CNTNAP2: variants seen among roughly 807,000 people sequenced by gnomAD.
CNTNAP2 encodes contactin-associated protein-like 2.
A neutral mutation model predicts 155.2 loss-of-function variants in CNTNAP2; 98 were observed. The observed-to-expected ratio is 0.63, with a 90% CI of 0.54 to 0.75. CNTNAP2 has a LOEUF of 0.75. CNTNAP2 is among the 30% of genes least tolerant of loss of function. CNTNAP2 has a pLI of 0.00. For synonymous variants in CNTNAP2, 651 were observed against 631.2 expected (o/e 1.03, Z -0.47); for missense variants, 1,727 against 1,688.1 (o/e 1.02, Z -0.40).
chr7:147,596,231 C>T (rs1800825003), intron 12 of CNTNAP2, among the ~76,000 whole-genome samples: 1 of 152,180 alleles, frequency 6.6e-6, no homozygotes, highest in Admixed American at 6.5e-5. Flanking sequence ...CTCTCTTTCT[C>T]TCCTTTTCTT....
At chr7:146,864,386 T>A (rs1351690154) in intron 3 of CNTNAP2, among the ~76,000 whole-genome samples, 1 of 152,116 alleles carries the variant, frequency 6.6e-6, no homozygotes, top group Admixed American at 6.5e-5. Context: ...ATTCATAAAA[T>A]GACAAAGTGT....
chr7:147,812,736 A>G (rs1798200766), intron 13 of CNTNAP2, among the ~76,000 whole-genome samples: 1 of 152,166 alleles, frequency 6.6e-6, no homozygotes, highest in Non-Finnish European at 1.5e-5. Context: ...TTATGACAAT[A>G]TACTTCTTTT....
At chr7:148,206,367 G>C (rs1235623198) in intron 18 of CNTNAP2, among the ~76,000 whole-genome samples, 1 of 150,986 alleles carries the variant, frequency 6.6e-6, no homozygotes, top group Non-Finnish European at 1.5e-5. Context: ...TAATATGAGA[G>C]AGAAAACAAA....
intron 13 of CNTNAP2, among the ~76,000 whole-genome samples, chr7:147,858,988 C>G (rs1484289112): frequency 6.6e-6 from 1 of 152,158 alleles, no homozygotes; most frequent in African/African-American, 2.4e-5. Context: ...TGTCAGAACT[C>G]CTCTTATCTC....
At chr7:146,431,074 A>C (rs1193495348) in intron 1 of CNTNAP2, among the ~76,000 whole-genome samples, 3 of 151,948 alleles carry the variant, frequency 2.0e-5, no homozygotes, top group Non-Finnish European at 4.4e-5. Context: ...TGTTAAGAAA[A>C]ATCTGTCCAT....
rs549613638 is a variant in CNTNAP2 at position 148,119,857 on chromosome 7, G to A, written c.2554+1569G>A. ...TTCTGAGGATGCCCATGGCAGATCT[G>A]ATCTGAGCCAGGTCTGATTGAAAGG... On this transcript the variant is annotated intron_variant, in intron 16 of 23. Coordinates refer to ENST00000361727, the MANE Select transcript of CNTNAP2 (RefSeq NM_014141.6). 2.4e-3 allele frequency among the ~76,000 whole-genome samples: 372 copies of A among 152,076 alleles called. 1 individual carries two copies. Among genetic ancestry groups the A allele is most frequent in the African/African-American group, 8.7e-3 (362 of 41,488 alleles).
chr7:148,058,775 T>G (rs1563184103), intron 15 of CNTNAP2, among the ~76,000 whole-genome samples: 1 of 152,176 alleles, frequency 6.6e-6, no homozygotes, highest in Non-Finnish European at 1.5e-5. Flanking sequence ...TCCCATAGAA[T>G]AGTTTTTTGT....
chr7:148,390,335 G>A (rs1014986328), intron 22 of CNTNAP2, among the ~76,000 whole-genome samples: 3 of 152,134 alleles, frequency 2.0e-5, no homozygotes, highest in East Asian at 3.9e-4. Flanking sequence ...GGCAGGACTC[G>A]GTGGCTCCAG....
chr7:147,615,194 G>T (rs150750666), intron 12 of CNTNAP2, among the ~76,000 whole-genome samples: 2,627 of 139,702 alleles, frequency 0.019, 77 homozygotes, highest in African/African-American at 0.065. Flanking sequence ...AGCCTGGGAG[G>T]TTGATGCTGC....
chr7:146,358,388 C>G (rs1247528845), intron 1 of CNTNAP2, among the ~76,000 whole-genome samples: 1 of 152,120 alleles, frequency 6.6e-6, no homozygotes, highest in Admixed American at 6.6e-5. Flanking sequence ...AAGTAAAACC[C>G]TATGTCAAAA....
intron 3 of CNTNAP2, among the ~76,000 whole-genome samples, chr7:146,982,283 A>G (rs1189613402): frequency 6.6e-6 from 1 of 152,154 alleles, no homozygotes; most frequent in African/African-American, 2.4e-5. Flanking sequence ...TTAGGGTGGA[A>G]CTTTATAAAA....
chr7:148,120,527 A>C (rs1045685082), intron 16 of CNTNAP2, among the ~76,000 whole-genome samples: 1 of 152,058 alleles, frequency 6.6e-6, no homozygotes, highest in East Asian at 1.9e-4. Flanking sequence ...TTGACCTCCC[A>C]AAGTGCTGGG....
rs188189527 is a variant in CNTNAP2, at chr7:146,958,966, T to G, written c.403-84941T>G. ...CTATCATATTCTGTGTCTTTCCCCA[T>G]GATTTCCATAGCTCTTTGAATTAGG... is the stretch of plus-strand genomic sequence containing the variant. On this transcript the variant is annotated intron_variant, in intron 3 of 23. Coordinates refer to ENST00000361727, the MANE Select transcript of CNTNAP2 (RefSeq NM_014141.6). 3.4e-3 allele frequency among the ~76,000 whole-genome samples: 518 copies of G among 152,204 alleles called. 7 individuals carry two copies. Among genetic ancestry groups the G allele is most frequent in the African/African-American group, 0.011 (471 of 41,556 alleles).
chr7:147,019,185 T>C (rs946254717), intron 3 of CNTNAP2, among the ~76,000 whole-genome samples: 1 of 152,180 alleles, frequency 6.6e-6, no homozygotes, highest in Non-Finnish European at 1.5e-5. Context: ...AAAAAATATA[T>C]CACTAAGGAA....
intron 1 of CNTNAP2, among the ~76,000 whole-genome samples, chr7:146,536,461 C>T (rs1479480529): frequency 6.6e-6 from 1 of 151,926 alleles, no homozygotes; most frequent in Non-Finnish European, 1.5e-5. Flanking sequence ...CTTTTCTCTA[C>T]ATTTTTAATG....
chr7:148,187,703 A>G (rs1013319557), intron 18 of CNTNAP2, among the ~76,000 whole-genome samples: 5 of 152,222 alleles, frequency 3.3e-5, no homozygotes, highest in East Asian at 1.9e-4. Flanking sequence ...CCGGCCGCTC[A>G]AGCTACTGCA....
chr7:146,145,585 A>G (rs181466872), intron 1 of CNTNAP2, among the ~76,000 whole-genome samples: 6 of 152,162 alleles, frequency 3.9e-5, no homozygotes, highest in African/African-American at 1.2e-4. Context: ...GTGGAGGTAC[A>G]TGGAGAAATA....
At chr7:147,687,900 T>C (rs1256064305) in intron 13 of CNTNAP2, among the ~76,000 whole-genome samples, 1 of 147,634 alleles carries the variant, frequency 6.8e-6, no homozygotes, top group Non-Finnish European at 1.5e-5. Flanking sequence ...TGATACAGTA[T>C]AGCATCTTCC....
intron 1 of CNTNAP2, among the ~76,000 whole-genome samples, chr7:146,703,641 A>T (rs1214036445): frequency 6.6e-6 from 1 of 152,100 alleles, no homozygotes; most frequent in Non-Finnish European, 1.5e-5. Context: ...GTTCCCTATA[A>T]GAAGCAATTT....
Sources: gnomAD v4.1 joint callset for allele counts (sites outside exome capture counted in the v4.1 genomes callset) on GRCh38, gnomAD v4.1.1 for gene constraint, MANE v1.5 for transcripts, NCBI Gene and HGNC (gene_info 2026-07-23, HGNC 2026-07-21) for gene names.